Variants in RPH3A observed in about 807,000 individuals in gnomAD.
RPH3A encodes the protein rabphilin-3A.
Under a neutral mutation model 102.2 loss-of-function variants are expected in RPH3A, and 48 were observed. That is an observed-to-expected ratio of 0.47 (90% CI 0.37 to 0.60). RPH3A has a LOEUF of 0.60. RPH3A is among the 20% of genes least tolerant of loss of function. RPH3A has a pLI of 0.00. For synonymous variants in RPH3A, 310 were observed against 324.3 expected (o/e 0.96, Z 0.47); for missense variants, 781 against 910.1 (o/e 0.86, Z 1.83).
At chr12:112,668,595 AG>A (rs1566250556) in intron 1 of RPH3A, among the ~76,000 whole-genome samples, 2 of 152,136 alleles carry the variant, frequency 1.3e-5, no homozygotes, top group Non-Finnish European at 2.9e-5. Context: ...CACTCATAAG[AG>A]GGAGTTGAAC....
intron 1 of RPH3A, among the ~76,000 whole-genome samples, chr12:112,608,751 T>C (rs1228209708): frequency 1.3e-5 from 2 of 152,234 alleles, no homozygotes; most frequent in African/African-American, 4.8e-5. Flanking sequence ...TTTTGTGTTT[T>C]GGACCAAGCC....
At position 112,828,871 on chromosome 12, in the gene RPH3A, G is replaced by A. The variant is rs563942205; in HGVS notation, c.71+482G>A. The stretch of plus-strand genomic sequence containing the variant: ...ATGTAAAAATTGGGAGATTTCACAC[G>A]AAAGTCCAGATTTCTGACATGTCTT... On this transcript the variant is annotated intron_variant, in intron 3 of 21. Transcript: ENST00000389385. Among the ~76,000 whole-genome samples the A allele has an allele frequency of 1.6e-4, 25 of 152,256 alleles. No individual in the cohort carries two copies. The East Asian group carries it at 4.1e-3, about 25-fold the overall frequency.
chr12:112,616,030 G>T (rs995348091), intron 1 of RPH3A, among the ~76,000 whole-genome samples: 11 of 152,118 alleles, frequency 7.2e-5, no homozygotes, highest in Admixed American at 6.5e-4. Flanking sequence ...TTGCCAATGG[G>T]AGCAGCTTCT....
chr12:112,820,858 T>C lies in RPH3A; in HGVS notation c.-18-7443T>C, dbSNP rs972222379. Among the ~76,000 whole-genome samples, 6 of 152,244 alleles carry C rather than the reference T, an allele frequency of 3.9e-5. No individual in the cohort carries two copies. The South Asian group carries it at 8.3e-4, about 21-fold the overall frequency. The stretch of plus-strand genomic sequence containing the variant: ...GCTATGTGGCAATGGGAGAACCATA[T>C]GGAGGGGACAGTGAGTTTGCTTTGT... On this transcript the variant is annotated intron_variant, in intron 2 of 21. Transcript: ENST00000389385.
chr12:112,871,257 A>ACATT lies in RPH3A; in HGVS notation c.796+1221_796+1224dup, dbSNP rs553440561. Among the ~76,000 whole-genome samples, 4 of 152,338 alleles carry ACATT rather than the reference A, an allele frequency of 2.6e-5. No individual in the cohort carries two copies. In the East Asian group the frequency reaches 7.7e-4, roughly 29 times the overall value. ...TGTGTACAATTCAGTGGTGTAAAGT[A>ACATT]CATTCACACGGTTACACAACCATGC... On this transcript the variant is annotated intron_variant, in intron 10 of 21. Transcript: ENST00000389385.
intron 1 of RPH3A, among the ~76,000 whole-genome samples, chr12:112,755,341 A>G (rs2040816920): frequency 6.6e-6 from 1 of 150,664 alleles, no homozygotes; most frequent in African/African-American, 2.4e-5. Flanking sequence ...ACACACACAT[A>G]CATATGCATA....
In RPH3A at chr12:112,687,103, G is replaced by A. The variant is rs11066381; in HGVS notation, c.-139-105040G>A. 6.5e-3 allele frequency among the ~76,000 whole-genome samples: 989 copies of A among 152,334 alleles called. 15 individuals carry two copies. The highest frequency in any genetic ancestry group is 0.023 in the African/African-American group (936 of 41,574). ...GCACCACTCCAGCCTGAGTGACAGA[G>A]TGAGACCCCATTTTTTTTAAGCATT... On this transcript the variant is annotated intron_variant, in intron 1 of 21. Coordinates refer to the RPH3A transcript ENST00000543106.
intron 1 of RPH3A, chr12:112,591,590 A>T (rs1035675563): frequency 6.6e-6 from 1 of 152,236 alleles, no homozygotes; most frequent in African/African-American, 2.4e-5. Flanking sequence ...CGTCCAGTAA[A>T]TCAATCCTGG....
chr12:112,684,917 C>G (rs369072106), intron 1 of RPH3A, among the ~76,000 whole-genome samples: 2 of 152,148 alleles, frequency 1.3e-5, no homozygotes, highest in East Asian at 1.9e-4. Context: ...GGTTTCTTCT[C>G]TACGTCCCCA....
chr12:112,802,249 G>A (rs1298433319), intron 2 of RPH3A, among the ~76,000 whole-genome samples: 1 of 152,204 alleles, frequency 6.6e-6, no homozygotes, highest in African/African-American at 2.4e-5. Context: ...GAGGGAGGCA[G>A]AAGAGAGCAG....
chr12:112,896,784 A>G lies in RPH3A; in HGVS notation c.*4A>G. 3 of 1,613,826 alleles carry G rather than the reference A, an allele frequency of 1.9e-6. No individual in the cohort carries two copies. The highest frequency in any genetic ancestry group is 1.1e-5 in the South Asian group (1 of 91,078). ...GAACCACGTGTCAAGTGATTAGGCT[A>G]GTGCCCAGGTCCCCATCTCCATGTC... is the stretch of plus-strand genomic sequence containing the variant. On this transcript the variant is annotated 3_prime_UTR_variant, in exon 22 of 22. Transcript: ENST00000389385.
chr12:112,653,273 G>A (rs760479393), intron 1 of RPH3A, among the ~76,000 whole-genome samples: 3 of 151,522 alleles, frequency 2.0e-5, no homozygotes, highest in Non-Finnish European at 4.4e-5. Flanking sequence ...AAGAGGCTGA[G>A]GCATGAGAAT....
chr12:112,743,111 A>G (rs532042364), intron 1 of RPH3A, among the ~76,000 whole-genome samples: 5 of 152,288 alleles, frequency 3.3e-5, no homozygotes, highest in Middle Eastern at 3.4e-3. Flanking sequence ...TTCCCTCCAG[A>G]TAATAGAGAA....
chr12:112,876,534 C>G, intron 12 of RPH3A, 108 bp from the exon 13 acceptor site: 1 of 787,340 alleles, frequency 1.3e-6, no homozygotes, highest in Non-Finnish European at 2.0e-6. Context: ...TGCATATCCA[C>G]TGATTCCGGG....
chr12:112,639,615 A>C (rs1461229045), intron 1 of RPH3A, among the ~76,000 whole-genome samples: 1 of 152,118 alleles, frequency 6.6e-6, no homozygotes, highest in Non-Finnish European at 1.5e-5. Context: ...TATGTAACAA[A>C]CCTGCACATG....
intron 1 of RPH3A, among the ~76,000 whole-genome samples, chr12:112,699,766 C>T (rs911423983): frequency 3.9e-5 from 6 of 152,088 alleles, no homozygotes; most frequent in African/African-American, 1.4e-4. Context: ...AATTATACCT[C>T]AATAAGGTTG....
chr12:112,688,538 G>A (rs945162709), intron 1 of RPH3A, among the ~76,000 whole-genome samples: 1 of 152,040 alleles, frequency 6.6e-6, no homozygotes, highest in African/African-American at 2.4e-5. Context: ...TAAGTCTGGT[G>A]AACACACATA....
chr12:112,844,605 T>C (rs915751858), intron 4 of RPH3A, among the ~76,000 whole-genome samples: 2 of 152,030 alleles, frequency 1.3e-5, no homozygotes, highest in Non-Finnish European at 2.9e-5. Flanking sequence ...AGAAAACAAA[T>C]GTGTGTTAGT....
chr12:112,769,472 G>A (rs1242419141), intron 1 of RPH3A, among the ~76,000 whole-genome samples: 1 of 152,234 alleles, frequency 6.6e-6, no homozygotes, highest in African/African-American at 2.4e-5. Flanking sequence ...ATTGCTGTCA[G>A]TTGGAAGGCT....
Sources: gnomAD v4.1 joint callset for allele counts (sites outside exome capture counted in the v4.1 genomes callset) on GRCh38, gnomAD v4.1.1 for gene constraint, MANE v1.5 for transcripts, NCBI Gene and HGNC (gene_info 2026-07-23, HGNC 2026-07-21) for gene names.